PIK3C2B: variants seen among roughly 807,000 people sequenced by gnomAD.
The protein encoded by PIK3C2B is phosphatidylinositol-4-phosphate 3-kinase catalytic subunit type 2 beta, also known as phosphatidylinositol 4-phosphate 3-kinase C2 domain-containing subunit beta.
Under a neutral mutation model 184.3 loss-of-function variants are expected in PIK3C2B, and 83 were observed. The ratio of observed to expected loss-of-function variants is 0.45; its 90% CI spans 0.38 to 0.54. The LOEUF is 0.54. PIK3C2B is among the 20% of genes least tolerant of loss of function. PIK3C2B has a pLI of 0.00. For missense variants in PIK3C2B, 1,736 were observed against 2,113.5 expected, an observed-to-expected ratio of 0.82 and a Z score of 3.50; for synonymous variants, 779 against 837.6, an observed-to-expected ratio of 0.93 and a Z score of 1.21.
chr1:204,459,870 G>A lies in PIK3C2B; in HGVS notation c.1566+8C>T, dbSNP rs17847745. 8.7e-6 allele frequency: 14 copies of A among 1,611,408 alleles called. No individual in the cohort carries two copies. In the South Asian group the frequency reaches 9.9e-5, roughly 11 times the overall value. On this transcript the variant is annotated splice_region_variant and intron_variant, in intron 8 of 32. Transcript: ENST00000684373. ...GGCAGCAGGGCCAGCCCCTGGATTC[G>A]TACTCACATCAGCCAGCAGGAAGGC...
At chr1:204,445,134 G>A (rs1023519025) in intron 16 of PIK3C2B, among the ~76,000 whole-genome samples, 4 of 151,292 alleles carry the variant, frequency 2.6e-5, no homozygotes, top group African/African-American at 9.7e-5. Flanking sequence ...ACAGGCGTAT[G>A]CATTTGTCAA....
intron 4 of PIK3C2B, 44 bp from the exon 5 acceptor site, chr1:204,464,176 G>A: frequency 4.4e-6 from 7 of 1,606,736 alleles, no homozygotes; most frequent in Non-Finnish European, 6.0e-6. Context: ...TGGATGTCAA[G>A]GCAGATGGGT....
At chr1:204,425,084 C>G (rs1558225681) in intron 32 of PIK3C2B, 44 bp from the exon 33 acceptor site, 3 of 1,537,302 alleles carry the variant, frequency 2.0e-6, no homozygotes, top group East Asian at 2.3e-5. Context: ...AGAGAAGGAA[C>G]AAGAAGAATC....
At chr1:204,476,175 G>A (rs1656692253) in intron 1 of PIK3C2B, among the ~76,000 whole-genome samples, 2 of 152,134 alleles carry the variant, frequency 1.3e-5, no homozygotes, top group African/African-American at 4.8e-5. Context: ...TCATTTTCCA[G>A]GACTAGAGGA....
At chr1:204,430,174 G>A in intron 28 of PIK3C2B, 136 bp from the exon 29 acceptor site, 2 of 638,238 alleles carry the variant, frequency 3.1e-6, no homozygotes, top group Non-Finnish European at 5.6e-6. Flanking sequence ...CCATTTCTAG[G>A]GACCCTCACA....
At chr1:204,475,634 A>G (rs2103523623) in intron 1 of PIK3C2B, among the ~76,000 whole-genome samples, 1 of 152,290 alleles carries the variant, frequency 6.6e-6, no homozygotes, top group East Asian at 1.9e-4. Flanking sequence ...AAAACCACAC[A>G]CAGTCCCTTC....
intron 1 of PIK3C2B, among the ~76,000 whole-genome samples, chr1:204,489,119 GCTCCT>G (rs1165465623): frequency 3.3e-5 from 5 of 151,828 alleles, no homozygotes; most frequent in Non-Finnish European, 5.9e-5. Flanking sequence ...TCAAATTTTG[GCTCCT>G]CTCAAGTTAA....
At chr1:204,465,161 G>A in intron 3 of PIK3C2B, 58 bp downstream of exon 3, 1 of 734,306 alleles carries the variant, frequency 1.4e-6, no homozygotes, top group Non-Finnish European at 2.4e-6. Context: ...GAAATGGATG[G>A]CCCCCCTCCC....
chr1:204,430,879 C>T (rs1179785547), intron 28 of PIK3C2B, among the ~76,000 whole-genome samples: 1 of 152,162 alleles, frequency 6.6e-6, no homozygotes, highest in Admixed American at 6.5e-5. Flanking sequence ...CTCTCGAACT[C>T]CTGACCTCAG....
chr1:204,482,939 T>C (rs1657292879), intron 1 of PIK3C2B, among the ~76,000 whole-genome samples: 1 of 152,088 alleles, frequency 6.6e-6, no homozygotes. Context: ...TGGTCACCCC[T>C]AGACATGTTG....
chr1:204,489,863 G>A (rs1388236662), intron 1 of PIK3C2B: 1 of 397,312 alleles, frequency 2.5e-6, no homozygotes, highest in Non-Finnish European at 4.4e-6. Flanking sequence ...CCTCAAAATG[G>A]AATCCTTTTG....
chr1:204,466,625 AGAGG>A (rs1476773899), intron 2 of PIK3C2B: 1 of 367,394 alleles, frequency 2.7e-6, no homozygotes, highest in Non-Finnish European at 5.4e-6. Flanking sequence ...AAGGAGAGAG[AGAGG>A]AAGAAAAAGA....
At chr1:204,427,574 G>C in intron 31 of PIK3C2B, 74 bp downstream of exon 31, 1 of 952,312 alleles carries the variant, frequency 1.1e-6, no homozygotes, top group South Asian at 1.3e-5. Flanking sequence ...ACACGCGGCA[G>C]AGAAGGTCTG....
intron 12 of PIK3C2B, 51 bp from the exon 13 acceptor site, chr1:204,450,068 G>T (rs1300593195): frequency 4.1e-6 from 6 of 1,454,086 alleles, no homozygotes; most frequent in African/African-American, 1.4e-5. Flanking sequence ...GTGGCTTCAA[G>T]CAACAGGTGG....
At chr1:204,462,866 C>T (rs1367450227) in intron 5 of PIK3C2B, among the ~76,000 whole-genome samples, 1 of 152,100 alleles carries the variant, frequency 6.6e-6, no homozygotes, top group African/African-American at 2.4e-5. Context: ...CCAGCCTGGC[C>T]AACATGGTGA....
Position 204,447,727 on chromosome 1 carries a change from C to T in PIK3C2B, c.2347-149G>A. 3.4e-6 allele frequency: 2 copies of T among 594,762 alleles called. No homozygotes were observed. The highest frequency in any genetic ancestry group is 6.0e-6 in the Non-Finnish European group (2 of 334,770). 36.8% of individuals were successfully genotyped at this position (594,762 alleles called of 1,614,324 possible). On this transcript the variant is annotated intron_variant, in intron 14 of 32. Transcript: ENST00000684373. The surrounding 1 kb of genome is among the most constrained non-coding windows in gnomAD (Gnocchi z 4.1). Reference sequence around the variant, plus strand: ...AAATAGCCCTGTTAGACTTGGTGATCTCTAAAGTCCTTTCCAGCTATAACT... The same window carrying T: ...AAATAGCCCTGTTAGACTTGGTGATTTCTAAAGTCCTTTCCAGCTATAACT...
At chr1:204,482,122 G>A (rs964393532) in intron 1 of PIK3C2B, among the ~76,000 whole-genome samples, 4 of 23,660 alleles carry the variant, frequency 1.7e-4, no homozygotes, top group Admixed American at 4.9e-4. Flanking sequence ...GGGGGGGGGG[G>A]GGGGTGCTCT....
intron 2 of PIK3C2B, chr1:204,466,975 G>T (rs1402085037): frequency 1.3e-5 from 7 of 521,584 alleles, no homozygotes; most frequent in Non-Finnish European, 2.4e-5. Flanking sequence ...GGCCCAAGGG[G>T]TCCCCCCTCC....
At chr1:204,428,010 C>T (rs1297561257) in intron 30 of PIK3C2B, 129 bp downstream of exon 30, 8 of 656,590 alleles carry the variant, frequency 1.2e-5, no homozygotes, top group Non-Finnish European at 1.9e-5. Flanking sequence ...AACTAGATTT[C>T]CCAGAGAGTA....
Sources: gnomAD v4.1 joint callset for allele counts (sites outside exome capture counted in the v4.1 genomes callset) on GRCh38, gnomAD v4.1.1 for gene constraint, Gnocchi (gnomAD v3.1) non-coding constraint, MANE v1.5 for transcripts, NCBI Gene and HGNC (gene_info 2026-07-23, HGNC 2026-07-21) for gene names.